Variants in CPA6 observed in about 807,000 individuals in gnomAD.
CPA6 encodes the protein carboxypeptidase B.
CPA6 carries 58 observed loss-of-function variants against 63.3 expected under a neutral mutation model. That is an observed-to-expected ratio of 0.92 (90% CI 0.74 to 1.14). CPA6 has a LOEUF of 1.14. CPA6 is among the 50% of genes most tolerant of loss of function. The pLI is 0.00. For synonymous variants in CPA6, 185 were observed against 179.0 expected (o/e 1.03, Z -0.27); for missense variants, 565 against 526.6 (o/e 1.07, Z -0.71).
At chr8:67,705,431 C>T (rs370167598) in intron 1 of CPA6, among the ~76,000 whole-genome samples, 6 of 152,300 alleles carry the variant, frequency 3.9e-5, no homozygotes, top group African/African-American at 1.4e-4. Context: ...TTCTAAACAA[C>T]TCTCCTCCGA....
intron 2 of CPA6, among the ~76,000 whole-genome samples, chr8:67,559,433 T>C: frequency 6.6e-6 from 1 of 152,048 alleles, no homozygotes; most frequent in Admixed American, 6.6e-5. Context: ...CTCAGGACAA[T>C]GACACTAGCC....
chr8:67,660,474 C>T (rs1481104735), intron 1 of CPA6, among the ~76,000 whole-genome samples: 2 of 149,736 alleles, frequency 1.3e-5, no homozygotes, highest in African/African-American at 4.9e-5. Context: ...AGACTGCAGG[C>T]ACACGGCATC....
At position 67,634,179 on chromosome 8, in the gene CPA6, AATTATTATTATTATTATT is replaced by A. The variant is rs36123716; in HGVS notation, c.117-9946_117-9929del. On this transcript the variant is annotated intron_variant, in intron 1 of 10. Transcript: ENST00000297770. ...TTCCTTTCTCCAAGTCACTGGATTT[AATTATTATTATTATTATT>A]ATTATTATTATTATTATTATTATTT... Among the ~76,000 whole-genome samples the A allele has an allele frequency of 6.2e-4, 87 of 139,906 alleles. 1 individual carries two copies. Among genetic ancestry groups the A allele is most frequent in the Admixed American group, 3.2e-3 (46 of 14,208 alleles). The allele number at this position is 139,906 out of a possible 152,430, so 91.8% of individuals were successfully genotyped here.
chr8:67,655,379 G>A (rs78451965), intron 1 of CPA6, among the ~76,000 whole-genome samples: 1,651 of 152,214 alleles, frequency 0.011, 14 homozygotes, highest in South Asian at 0.04. Flanking sequence ...ATACTCTAAT[G>A]AGCTGGGGAG....
intron 2 of CPA6, among the ~76,000 whole-genome samples, chr8:67,582,469 A>G (rs1307778738): frequency 1.3e-5 from 2 of 152,224 alleles, no homozygotes; most frequent in East Asian, 1.9e-4. Context: ...TGCCGTTAGC[A>G]TGAAAATAGC....
chr8:67,580,859 T>C, intron 2 of CPA6, among the ~76,000 whole-genome samples: 1 of 152,200 alleles, frequency 6.6e-6, no homozygotes, highest in East Asian at 1.9e-4. Flanking sequence ...TGGTAGTCAT[T>C]AGTTCATCGA....
In CPA6 at chr8:67,713,083, A is replaced by ATGTG. The variant is rs368243285; in HGVS notation, c.116+32927_116+32930dup. Among the ~76,000 whole-genome samples, 250 of 75,758 alleles carry ATGTG rather than the reference A, an allele frequency of 3.3e-3. 3 individuals are homozygous for ATGTG. The highest frequency in any genetic ancestry group is 7.3e-3 in the African/African-American group (137 of 18,774). 49.7% of individuals were successfully genotyped at this position (75,758 alleles called of 152,430 possible). On this transcript the variant is annotated intron_variant, in intron 1 of 10. Transcript: ENST00000297770. ...TAAGCATGTGTGTATCTGTGTGTGTATGTGTGTGTGTGTGTGTATATATAT... is the reference window on the plus strand; with the variant it reads ...TAAGCATGTGTGTATCTGTGTGTGTATGTGTGTGTGTGTGTGTGTGTATATATAT...
rs781498884 is a variant in CPA6, at chr8:67,483,787, G to T, written c.819C>A (p.Asn273Lys). 2.0e-5 allele frequency: 32 copies of T among 1,613,892 alleles called. No homozygotes were observed. Among genetic ancestry groups the T allele is most frequent in the Non-Finnish European group, 2.5e-5 (29 of 1,179,950 alleles). The change falls in exon 8 of 11, where the codon AAC (asparagine) becomes AAA (lysine). Residue 273 changes from asparagine to lysine, a missense_variant. Coordinates refer to ENST00000297770, the MANE Select transcript of CPA6 (RefSeq NM_020361.5). ...ACTTACCACACCACTTCACTTTCCA[G>T]TTTCTATTGGCATCCACTCCACGGC... ...FRCRGVDANRNWKVKWCDEGA... is the reference protein window; with the variant it reads ...FRCRGVDANRKWKVKWCDEGA...
At chr8:67,683,415 T>C (rs903604149) in intron 1 of CPA6, among the ~76,000 whole-genome samples, 2 of 152,192 alleles carry the variant, frequency 1.3e-5, no homozygotes, top group African/African-American at 2.4e-5. Context: ...CTATTTGCAA[T>C]TCATCTTCTC....
At chr8:67,553,484 A>C (rs1347250046) in intron 2 of CPA6, among the ~76,000 whole-genome samples, 2 of 152,202 alleles carry the variant, frequency 1.3e-5, no homozygotes, top group Admixed American at 1.3e-4. Flanking sequence ...TGGTAATATT[A>C]TTACATAAGG....
intron 2 of CPA6, among the ~76,000 whole-genome samples, chr8:67,548,534 G>A (rs957123202): frequency 2.0e-5 from 3 of 152,026 alleles, no homozygotes; most frequent in African/African-American, 7.2e-5. Context: ...ATAGGCATGA[G>A]CCACTGTGCC....
intron 1 of CPA6, among the ~76,000 whole-genome samples, chr8:67,743,897 G>A (rs868760477): frequency 6.6e-6 from 1 of 152,084 alleles, no homozygotes; most frequent in African/African-American, 2.4e-5. Context: ...CCCTTCATTA[G>A]TAGCAAAAAA....
At chr8:67,467,496 T>C (rs1215961602) in intron 8 of CPA6, among the ~76,000 whole-genome samples, 1 of 152,188 alleles carries the variant, frequency 6.6e-6, no homozygotes, top group Non-Finnish European at 1.5e-5. Flanking sequence ...CACCAGGTAC[T>C]CTAACCAGAA....
At chr8:67,661,641 G>A (rs1244725651) in intron 1 of CPA6, among the ~76,000 whole-genome samples, 2 of 152,326 alleles carry the variant, frequency 1.3e-5, no homozygotes, top group East Asian at 3.9e-4. Context: ...TACAGTGCAA[G>A]AGAATTGGGG....
At chr8:67,484,557 T>C in intron 7 of CPA6, 122 bp downstream of exon 7, 1 of 555,006 alleles carries the variant, frequency 1.8e-6, no homozygotes, top group Non-Finnish European at 3.3e-6. Flanking sequence ...AGGCCTCTTT[T>C]GCATCTCTGG....
intron 1 of CPA6, among the ~76,000 whole-genome samples, chr8:67,685,698 A>T (rs1023993663): frequency 2.6e-5 from 4 of 152,260 alleles, no homozygotes; most frequent in Non-Finnish European, 5.9e-5. Context: ...CCTGTAAAAA[A>T]TTCACAGTTG....
chr8:67,713,816 C>T (rs182899064), intron 1 of CPA6, among the ~76,000 whole-genome samples: 1 of 152,266 alleles, frequency 6.6e-6, no homozygotes, highest in Admixed American at 6.5e-5. Context: ...AGTGGAAGTG[C>T]TGCTTTAGTT....
intron 1 of CPA6, among the ~76,000 whole-genome samples, chr8:67,672,347 G>A (rs868848045): frequency 1.3e-4 from 19 of 151,948 alleles, no homozygotes; most frequent in Middle Eastern, 3.4e-3. Flanking sequence ...CTTCCAATGC[G>A]TACAAACTTT....
chr8:67,512,882 T>A (rs1443014281), intron 3 of CPA6, among the ~76,000 whole-genome samples: 1 of 152,226 alleles, frequency 6.6e-6, no homozygotes, highest in Admixed American at 6.5e-5. Context: ...AAAATTATAT[T>A]GAATCACCTA....
Sources: gnomAD v4.1 joint callset for allele counts (sites outside exome capture counted in the v4.1 genomes callset) on GRCh38, gnomAD v4.1.1 for gene constraint, MANE v1.5 for transcripts, NCBI Gene and HGNC (gene_info 2026-07-23, HGNC 2026-07-21) for gene names.